LAX1: variants seen among roughly 807,000 people sequenced by gnomAD.
LAX1 encodes the protein lymphocyte transmembrane adaptor 1.
A neutral mutation model predicts 20.7 loss-of-function variants in LAX1; 17 were observed. The ratio of observed to expected loss-of-function variants is 0.82; its 90% CI spans 0.56 to 1.23. The LOEUF is 1.23. Ranked by LOEUF, LAX1 falls within the 50% of genes most tolerant of loss-of-function variation. The pLI is 0.00. For missense variants in LAX1, 470 were observed against 487.0 expected (o/e 0.97, Z 0.33); for synonymous variants, 165 against 181.0 (o/e 0.91, Z 0.71).
rs1667498731 is a variant in LAX1, at chr1:203,775,599, T to C, written c.*918T>C. ...TTGACGCAAGTGAACTGAAAACTTATGTTCACACAAAAACTCGCACATGAC... is the reference window on the plus strand; with the variant it reads ...TTGACGCAAGTGAACTGAAAACTTACGTTCACACAAAAACTCGCACATGAC... On this transcript the variant is annotated 3_prime_UTR_variant, in exon 5 of 5. Coordinates refer to ENST00000442561, the MANE Select transcript of LAX1 (RefSeq NM_017773.4). The C allele has an allele frequency of 6.6e-6, 1 of 152,194 alleles. No homozygotes were observed. Among genetic ancestry groups the C allele is most frequent in the Non-Finnish European group, 1.5e-5 (1 of 68,032 alleles). The allele number at this position is 152,194 out of a possible 1,614,324, so 9.4% of individuals were successfully genotyped here.
rs1667466782 is a variant in LAX1 at position 203,774,008 on chromosome 1, ATGTCAGAGC to A, written c.526_534del (p.Val176_Ala178del). ...CTCACTCCCTCGGCACACTGCATCAATGTCAGAGCTTCCAGAGACTGCGCAAGCATTTCT... is the reference window on the plus strand; with the variant it reads ...CTCACTCCCTCGGCACACTGCATCAATTCCAGAGACTGCGCAAGCATTTCT... On this transcript the variant is annotated inframe_deletion, in exon 5 of 5. Coordinates refer to ENST00000442561, the MANE Select transcript of LAX1 (RefSeq NM_017773.4). The A allele has an allele frequency of 6.2e-7, 1 of 1,613,852 alleles. No individual in the cohort carries two copies. Among genetic ancestry groups the A allele is most frequent in the African/African-American group, 1.3e-5 (1 of 74,866 alleles).
At chr1:203,771,286 G>A (rs1667416628) in intron 2 of LAX1, 81 bp from the exon 3 acceptor site, 6 of 884,178 alleles carry the variant, frequency 6.8e-6, no homozygotes, top group Non-Finnish European at 1.2e-5. Context: ...GCATTTTCAG[G>A]GGCCATCTCA....
In LAX1 at chr1:203,774,751, A is replaced by C. The variant is rs949528152; in HGVS notation, c.*70A>C. On this transcript the variant is annotated 3_prime_UTR_variant, in exon 5 of 5. Coordinates refer to ENST00000442561, the MANE Select transcript of LAX1 (RefSeq NM_017773.4). ...CATAGGATTGACTACTGCAGAGTCTAGTGCAGACCCGTGATCACCTTAGTG... is the reference window on the plus strand; with the variant it reads ...CATAGGATTGACTACTGCAGAGTCTCGTGCAGACCCGTGATCACCTTAGTG... 1 of 1,290,296 alleles carries C rather than the reference A, an allele frequency of 7.8e-7. No individual in the cohort carries two copies. Among genetic ancestry groups the C allele is most frequent in the Non-Finnish European group, 1.1e-6 (1 of 922,432 alleles). 79.9% of individuals were successfully genotyped at this position (1,290,296 alleles called of 1,614,324 possible).
At chr1:203,772,922 C>T (rs565689214) in intron 4 of LAX1, among the ~76,000 whole-genome samples, 1 of 152,174 alleles carries the variant, frequency 6.6e-6, no homozygotes, top group Admixed American at 6.5e-5. Flanking sequence ...GCAATCTGCC[C>T]GCCTTGGCCT....
At chr1:203,770,784 C>A in intron 1 of LAX1, 44 bp from the exon 2 acceptor site, 1 of 1,492,388 alleles carries the variant, frequency 6.7e-7, no homozygotes, top group Non-Finnish European at 9.4e-7. Context: ...TCCAGCCTCT[C>A]CACCCTCCTA....
chr1:203,765,756 A>G, intron 1 of LAX1, 102 bp downstream of exon 1: 2 of 1,079,896 alleles, frequency 1.9e-6, no homozygotes, highest in Admixed American at 4.0e-5. Flanking sequence ...CCACCTCTCA[A>G]CACCCAGGCT....
intron 1 of LAX1, 45 bp from the exon 2 acceptor site, chr1:203,770,783 T>G (rs748669662): frequency 6.7e-7 from 1 of 1,486,474 alleles, no homozygotes; most frequent in Non-Finnish European, 9.4e-7. Context: ...CTCCAGCCTC[T>G]CCACCCTCCT....
chr1:203,769,235 A>C (rs1356399754), intron 1 of LAX1, among the ~76,000 whole-genome samples: 1 of 151,322 alleles, frequency 6.6e-6, no homozygotes, highest in African/African-American at 2.4e-5. Flanking sequence ...ATAAAAATAC[A>C]AAAAAAATTA....
intron 3 of LAX1, 36 bp downstream of exon 3, chr1:203,771,513 T>G (rs1257380769): frequency 3.2e-6 from 4 of 1,239,002 alleles, no homozygotes; most frequent in Non-Finnish European, 4.8e-6. Context: ...AGTCCAGATA[T>G]TCGAACTTCT....
intron 1 of LAX1, among the ~76,000 whole-genome samples, chr1:203,767,220 CTT>C (rs1271565220): frequency 1.3e-5 from 2 of 149,978 alleles, no homozygotes; most frequent in Non-Finnish European, 3.0e-5. Context: ...TTGAATTTTT[CTT>C]TCTCTCTAAC....
At position 203,770,928 on chromosome 1, in the gene LAX1, C is replaced by T. The variant is rs779218749; in HGVS notation, c.190C>T (p.Arg64Trp). 70 of 1,611,474 alleles carry T rather than the reference C, an allele frequency of 4.3e-5. No individual in the cohort carries two copies. In the East Asian group the frequency reaches 1.4e-3, roughly 32 times the overall value. Reference protein sequence around the residue: ...VFCILWNWNKRKKRQVPYLRV... With the variant: ...VFCILWNWNKWKKRQVPYLRV... ...CTGCATCTTGTGGAATTGGAATAAA[C>T]GGAAGAAGCGTGAGTCCCTTGTTTG... Residue 64 changes from arginine to tryptophan, a missense_variant, in exon 2 of 5, where the codon CGG becomes TGG. Physicochemically the swap from Arg to Trp is moderately radical, Grantham distance 101. Coordinates refer to ENST00000442561, the MANE Select transcript of LAX1 (RefSeq NM_017773.4).
In LAX1 at chr1:203,765,660, T is replaced by TGACTCAGGGTGGTGAGC; in HGVS notation, c.89+7_89+23dup. 1 of 1,613,748 alleles carries TGACTCAGGGTGGTGAGC rather than the reference T, an allele frequency of 6.2e-7. No individual in the cohort carries two copies. Reference sequence around the variant, plus strand: ...ACTCCCCGCAGCCTGGACAGGTGAGTGACTCAGGGTGGTGAGCTCCACCCT... The same window carrying TGACTCAGGGTGGTGAGC: ...ACTCCCCGCAGCCTGGACAGGTGAGTGACTCAGGGTGGTGAGCGACTCAGGGTGGTGAGCTCCACCCT... On this transcript the variant is annotated splice_region_variant and intron_variant, in intron 1 of 4. Transcript: ENST00000442561.
At chr1:203,765,711 G>A in intron 1 of LAX1, 57 bp downstream of exon 1, 2 of 1,532,030 alleles carry the variant, frequency 1.3e-6, no homozygotes, top group Admixed American at 3.4e-5. Flanking sequence ...GAAGGTCCTA[G>A]TCCACCCTTA....
At chr1:203,766,617 T>C (rs1294978653) in intron 1 of LAX1, among the ~76,000 whole-genome samples, 1 of 152,260 alleles carries the variant, frequency 6.6e-6, no homozygotes, top group Non-Finnish European at 1.5e-5. Context: ...TATTTCTTCA[T>C]TTATTTTTAT....
rs1026238724 is a variant in LAX1 at position 203,775,777 on chromosome 1, C to T, written c.*1096C>T. 1 of 152,176 alleles carries T rather than the reference C, an allele frequency of 6.6e-6. No individual in the cohort carries two copies. Among genetic ancestry groups the T allele is most frequent in the Non-Finnish European group, 1.5e-5 (1 of 68,042 alleles). 9.4% of individuals were successfully genotyped at this position (152,176 alleles called of 1,614,324 possible). A position where few individuals can be genotyped will look rare whatever the true frequency, so the allele number is the denominator to read the frequency against. ...CTCTTGGTTCACACAATAATATAGA[C>T]ATATCTTAAATCCATTTTGCTAAGT... On this transcript the variant is annotated 3_prime_UTR_variant, in exon 5 of 5. Transcript: ENST00000442561.
intron 3 of LAX1, among the ~76,000 whole-genome samples, chr1:203,771,709 T>C (rs1019633098): frequency 2.0e-5 from 3 of 152,076 alleles, no homozygotes; most frequent in Non-Finnish European, 4.4e-5. Flanking sequence ...TTTTTCTTAA[T>C]GTTAAGGCAA....
chr1:203,770,791 C>G, intron 1 of LAX1, 37 bp from the exon 2 acceptor site: 2 of 1,533,204 alleles, frequency 1.3e-6, no homozygotes, highest in Non-Finnish European at 1.8e-6. Flanking sequence ...TCTCCACCCT[C>G]CTACAGCTAG....
In LAX1 at chr1:203,770,801, G is replaced by A. The variant is rs760202044; in HGVS notation, c.90-27G>A. ...CAGCCTCTCCACCCTCCTACAGCTA[G>A]CACATGTCATTCGATTGTTTTTCTA... On this transcript the variant is annotated intron_variant, in intron 1 of 4. Transcript: ENST00000442561. 3.8e-6 allele frequency: 6 copies of A among 1,561,568 alleles called. No homozygotes were observed. In the East Asian group the frequency reaches 1.3e-4, roughly 35 times the overall value.
intron 1 of LAX1, among the ~76,000 whole-genome samples, chr1:203,769,397 A>AAAGAAAGAAAGAAAG (rs1553254194): frequency 1.3e-5 from 1 of 76,688 alleles, no homozygotes; most frequent in African/African-American, 5.4e-5. Flanking sequence ...GTCTCAAAAA[A>AAAGAAAGAAAGAAAG]AAAGAAAGAA....
Sources: allele counts gnomAD v4.1 joint callset (sites outside exome capture counted in the v4.1 genomes callset), GRCh38; gene constraint gnomAD v4.1.1; transcripts MANE v1.5; gene names NCBI Gene and HGNC (gene_info 2026-07-23, HGNC 2026-07-21).